GALNT9: variants seen among roughly 807,000 people sequenced by gnomAD.
The protein encoded by GALNT9 is GalNAc transferase 9.
Under a neutral mutation model 63.1 loss-of-function variants are expected in GALNT9, and 47 were observed. The observed-to-expected ratio is 0.75, with a 90% CI of 0.59 to 0.95. GALNT9 has a LOEUF of 0.95. Ranked by LOEUF, GALNT9 falls within the 40% of genes least tolerant of loss-of-function variation. The pLI, the probability that GALNT9 is intolerant of heterozygous loss-of-function variation, is 0.00. For missense variants in GALNT9, 829 were observed against 874.8 expected (o/e 0.95, Z 0.66); for synonymous variants, 396 against 365.7 (o/e 1.08, Z -0.94).
intron 6 of GALNT9, among the ~76,000 whole-genome samples, chr12:132,226,307 C>T (rs909621238): frequency 2.0e-5 from 3 of 149,510 alleles, no homozygotes; most frequent in Non-Finnish European, 4.5e-5. Context: ...ACCATATACA[C>T]GCTGCACATA....
rs111627853 is a variant in GALNT9 at position 132,286,039 on chromosome 12, C to A, written c.419+211G>T. On this transcript the variant is annotated intron_variant, in intron 2 of 10. Transcript: ENST00000328957. The surrounding 1 kb of genome is among the most constrained non-coding windows in gnomAD (Gnocchi z 7.4). ...GGAGCCCGCAGCTCGTGGGGGCAGT[C>A]CCCGGCCAGCACGGGGGAGCGCTCA... is the stretch of plus-strand genomic sequence containing the variant. Among the ~76,000 whole-genome samples, 6,593 of 152,124 alleles carry A rather than the reference C, an allele frequency of 0.043. 181 individuals carry two copies. The highest frequency in any genetic ancestry group is 0.053 in the Non-Finnish European group (3,590 of 67,940).
intron 6 of GALNT9, among the ~76,000 whole-genome samples, chr12:132,210,648 T>C (rs137880364): frequency 0.035 from 5,292 of 152,266 alleles, 284 homozygotes; most frequent in African/African-American, 0.12. Context: ...CCTCCTGGGC[T>C]GTGGGGCTGT....
In GALNT9 at chr12:132,279,664, C is replaced by T. The variant is rs1317288228; in HGVS notation, c.419+6586G>A. ...ACTGTCCCTACCCCCTGTCCTCTCT[C>T]TGCAGCTCCAGCTCTTGCTGGGCGC... On this transcript the variant is annotated intron_variant, in intron 2 of 10. Coordinates refer to ENST00000328957, the MANE Select transcript of GALNT9 (RefSeq NM_001122636.2). This position sits in a 1 kb window ranked among gnomAD's most constrained non-coding sequence, Gnocchi z 4.1. The T allele has an allele frequency of 6.6e-6, 1 of 152,522 alleles. No homozygotes were observed. Among genetic ancestry groups the T allele is most frequent in the Non-Finnish European group, 1.5e-5 (1 of 68,248 alleles). 9.4% of individuals were successfully genotyped at this position (152,522 alleles called of 1,614,324 possible).
At chr12:132,226,944 A>G (rs1877717799) in intron 6 of GALNT9, among the ~76,000 whole-genome samples, 2 of 144,732 alleles carry the variant, frequency 1.4e-5, no homozygotes, top group African/African-American at 5.2e-5. Flanking sequence ...TACACACCCC[A>G]CATACACCCC....
chr12:132,316,665 G>C lies in GALNT9; in HGVS notation c.238+12301C>G, dbSNP rs1868524784. On this transcript the variant is annotated intron_variant, in intron 1 of 10. Coordinates refer to ENST00000328957, the MANE Select transcript of GALNT9 (RefSeq NM_001122636.2). The surrounding 1 kb of genome is among the most constrained non-coding windows in gnomAD (Gnocchi z 4.3). The stretch of plus-strand genomic sequence containing the variant: ...GCTTCAGCAAATTCCCCCGTGCTCT[G>C]TGTAGTCCCTCAGCCACCCTTTCAG... 6.6e-6 allele frequency among the ~76,000 whole-genome samples: 1 copy of C among 152,084 alleles called. No homozygotes were observed. Among genetic ancestry groups the C allele is most frequent in the South Asian group, 2.1e-4 (1 of 4,816 alleles).
At chr12:132,325,660 G>A (rs782706238) in intron 1 of GALNT9, among the ~76,000 whole-genome samples, 6 of 152,302 alleles carry the variant, frequency 3.9e-5, no homozygotes, top group East Asian at 3.9e-4. Context: ...TCTGGGCCCC[G>A]TGGCCCACCC....
chr12:132,201,178 C>T lies in GALNT9; in HGVS notation c.1347G>A (p.Leu449=), dbSNP rs745510775. 7 of 1,613,506 alleles carry T rather than the reference C, an allele frequency of 4.3e-6. No individual in the cohort carries two copies. Among genetic ancestry groups the T allele is most frequent in the Non-Finnish European group, 5.9e-6 (7 of 1,179,710 alleles). ...RLKCRSFKWY[L]ENVYPEMRVY... ...CCCTCATCTCCGGGTACACGTTCTC[C>T]AGGTACCACTTGAAGCTGCGACACT... The change falls in exon 8 of 11, where the codon CTG becomes CTA. Residue 449 remains leucine (L), a synonymous_variant. Coordinates refer to ENST00000328957, the MANE Select transcript of GALNT9 (RefSeq NM_001122636.2).
chr12:132,258,027 A>G (rs1555239311), intron 4 of GALNT9, 141 bp from the exon 5 acceptor site: 3 of 640,322 alleles, frequency 4.7e-6, no homozygotes, highest in Admixed American at 5.6e-5. Context: ...CTAGACCCAC[A>G]TCCTCCCTTG....
rs1235568520 is a variant in GALNT9 at position 132,252,068 on chromosome 12, C to T, written c.960-4041G>A. Among the ~76,000 whole-genome samples the T allele has an allele frequency of 6.6e-6, 1 of 152,202 alleles. No individual in the cohort carries two copies. The highest frequency in any genetic ancestry group is 2.4e-5 in the African/African-American group (1 of 41,446). ...CCTCCGTGATGAGGATGGTCCCCAG[C>T]GTCTGTCTGGGAGAAAGGAGCAGGG... On this transcript the variant is annotated intron_variant, in intron 5 of 10. Coordinates refer to ENST00000328957, the MANE Select transcript of GALNT9 (RefSeq NM_001122636.2). The surrounding 1 kb of genome is among the most constrained non-coding windows in gnomAD (Gnocchi z 5.2).
At chr12:132,270,732 A>G (rs1323250611) in intron 2 of GALNT9, among the ~76,000 whole-genome samples, 2 of 152,236 alleles carry the variant, frequency 1.3e-5, no homozygotes, top group South Asian at 4.1e-4. Flanking sequence ...CCACAGCCAC[A>G]GCCACGACAC....
At position 132,196,836 on chromosome 12, in the gene GALNT9, T is replaced by C; in HGVS notation, c.*271A>G. On this transcript the variant is annotated 3_prime_UTR_variant, in exon 11 of 11. Coordinates refer to ENST00000328957, the MANE Select transcript of GALNT9 (RefSeq NM_001122636.2). ...CTGTCCCAGCAGCCTGGCCAGGAGA[T>C]ACCGTGGAGAAGGCACGTGTTTGAG... 7.9e-7 allele frequency: 1 copy of C among 1,264,824 alleles called. No individual in the cohort carries two copies. Among genetic ancestry groups the C allele is most frequent in the South Asian group, 1.9e-5 (1 of 52,738 alleles). 78.4% of individuals were successfully genotyped at this position (1,264,824 alleles called of 1,614,324 possible). A position where few individuals can be genotyped will look rare whatever the true frequency, so the allele number is the denominator to read the frequency against.
In GALNT9 at chr12:132,286,135, G is replaced by A. The variant is rs1880577576; in HGVS notation, c.419+115C>T. Reference sequence around the variant, plus strand: ...GGGGGCGGTCACTTCCCTGGCGGGCGTGGGGGCCGCTCACTTCCCCGGCCG... The same window carrying A: ...GGGGGCGGTCACTTCCCTGGCGGGCATGGGGGCCGCTCACTTCCCCGGCCG... On this transcript the variant is annotated intron_variant, in intron 2 of 10. Coordinates refer to ENST00000328957, the MANE Select transcript of GALNT9 (RefSeq NM_001122636.2). The surrounding 1 kb of genome is among the most constrained non-coding windows in gnomAD (Gnocchi z 7.4). 48 of 1,272,900 alleles carry A rather than the reference G, an allele frequency of 3.8e-5. No homozygotes were observed. Among genetic ancestry groups the A allele is most frequent in the Non-Finnish European group, 4.6e-5 (44 of 960,088 alleles). 78.9% of individuals were successfully genotyped at this position (1,272,900 alleles called of 1,614,324 possible).
At chr12:132,221,125 G>T (rs1440568375) in intron 6 of GALNT9, among the ~76,000 whole-genome samples, 5 of 146,198 alleles carry the variant, frequency 3.4e-5, no homozygotes, top group Non-Finnish European at 7.5e-5. Context: ...GGAGGCCAAG[G>T]CAGGCAGATC....
At chr12:132,262,411 C>T (rs1420488488) in intron 3 of GALNT9, 48 bp downstream of exon 3, 1 of 1,520,324 alleles carries the variant, frequency 6.6e-7, no homozygotes, top group Admixed American at 2.0e-5. Context: ...TCAACCCAGC[C>T]ACAGGCAGCC....
In GALNT9 at chr12:132,319,706, G is replaced by A. The variant is rs1555245968; in HGVS notation, c.238+9260C>T. On this transcript the variant is annotated intron_variant, in intron 1 of 10. Coordinates refer to ENST00000328957, the MANE Select transcript of GALNT9 (RefSeq NM_001122636.2). The surrounding 1 kb of genome is among the most constrained non-coding windows in gnomAD (Gnocchi z 5.2). ...AACACCCCACTCCGCCACACACACA[G>A]CTGTACCCGGCACAACACGCGGCCA... Among the ~76,000 whole-genome samples the A allele has an allele frequency of 6.6e-6, 1 of 152,202 alleles. No homozygotes were observed. The highest frequency in any genetic ancestry group is 2.4e-5 in the African/African-American group (1 of 41,452).
intron 6 of GALNT9, among the ~76,000 whole-genome samples, chr12:132,204,914 G>A (rs549750854): frequency 1.0e-3 from 153 of 152,210 alleles, no homozygotes; most frequent in Middle Eastern, 6.8e-3. Flanking sequence ...CCCAGGGCGG[G>A]CACTGTGCTT....
At chr12:132,263,093 G>A (rs528209270) in intron 2 of GALNT9, among the ~76,000 whole-genome samples, 6 of 152,242 alleles carry the variant, frequency 3.9e-5, no homozygotes, top group Admixed American at 1.3e-4. Flanking sequence ...TCAGCTTCAG[G>A]AGCACGTTGG....
intron 7 of GALNT9, among the ~76,000 whole-genome samples, chr12:132,201,691 T>C (rs1386391198): frequency 3.3e-5 from 5 of 152,170 alleles, no homozygotes; most frequent in Non-Finnish European, 7.4e-5. Flanking sequence ...TGGGGGCTCC[T>C]GGCTGGCCCC....
chr12:132,257,593 CGGCCCTCATCCCT>C, intron 5 of GALNT9, 83 bp downstream of exon 5: 3 of 915,028 alleles, frequency 3.3e-6, no homozygotes, highest in Non-Finnish European at 3.3e-6. Flanking sequence ...CCCTCGTCCC[CGGCCCTCATCCCT>C]GGCCCTCGTC....
Sources: gnomAD v4.1 joint callset for allele counts (sites outside exome capture counted in the v4.1 genomes callset) on GRCh38, gnomAD v4.1.1 for gene constraint, Gnocchi (gnomAD v3.1) non-coding constraint, MANE v1.5 for transcripts, NCBI Gene and HGNC (gene_info 2026-07-23, HGNC 2026-07-21) for gene names.